PAX8: variants seen among roughly 807,000 people sequenced by gnomAD.
The protein encoded by PAX8 is paired box protein Pax-8.
A neutral mutation model predicts 52.4 loss-of-function variants in PAX8; 15 were observed. The ratio of observed to expected loss-of-function variants is 0.29; its 90% CI spans 0.19 to 0.44. PAX8 has a LOEUF of 0.44. PAX8 is among the 20% of genes least tolerant of loss of function. PAX8 has a pLI of 1.00. For synonymous variants in PAX8, 284 were observed against 249.7 expected (o/e 1.14, Z -1.29); for missense variants, 554 against 602.5 (o/e 0.92, Z 0.84).
chr2:113,219,447 T>C (rs1689159019), intron 11 of PAX8, among the ~76,000 whole-genome samples: 1 of 152,200 alleles, frequency 6.6e-6, no homozygotes, highest in African/African-American at 2.4e-5. Context: ...GAAAAGCTTC[T>C]CTTCCCAGTT....
chr2:113,277,676 G>C (rs569366108), intron 2 of PAX8, among the ~76,000 whole-genome samples: 1 of 152,234 alleles, frequency 6.6e-6, no homozygotes, highest in Non-Finnish European at 1.5e-5. Context: ...GCCCTGGCCG[G>C]GAAGGGGGAA....
intron 2 of PAX8, among the ~76,000 whole-genome samples, chr2:113,249,839 C>T (rs1315685659): frequency 6.6e-6 from 1 of 152,076 alleles, no homozygotes. Flanking sequence ...GAGTCTTGGG[C>T]CTGATCCCTT....
Position 113,241,708 on chromosome 2 carries a change from C to T in PAX8, c.620G>A (p.Arg207Gln), listed in dbSNP as rs371988299. 154 of 1,613,934 alleles carry T rather than the reference C, an allele frequency of 9.5e-5. No homozygotes were observed. Among genetic ancestry groups the T allele is most frequent in the Non-Finnish European group, 1.3e-4 (148 of 1,180,012 alleles). Residue 207 changes from arginine (R) to glutamine (Q), a missense_variant, in exon 7 of 12, where the codon CGA (arginine) becomes CAA (glutamine). By Grantham distance (43) the Arg-to-Gln change is conservative (BLOSUM62 1). This residue lies in a region of PAX8 where 445 missense variants were observed against 409.9 expected (regional missense o/e 1.09). Coordinates refer to ENST00000429538, the MANE Select transcript of PAX8 (RefSeq NM_003466.4). The part of the protein sequence containing the change: ...KMDDSDQDSC[R>Q]LSIDSQSSSS... Reference sequence around the variant, plus strand: ...GCTGCTCTGTGAGTCAATGCTTAGTCGGCAGCTATCCTGATCACCTGGTAC... The same window carrying T: ...GCTGCTCTGTGAGTCAATGCTTAGTTGGCAGCTATCCTGATCACCTGGTAC...
intron 10 of PAX8, among the ~76,000 whole-genome samples, chr2:113,223,813 G>A (rs1388106124): frequency 6.6e-6 from 1 of 152,214 alleles, no homozygotes; most frequent in Non-Finnish European, 1.5e-5. Context: ...AGGAATAAAG[G>A]AATCTGACTT....
Position 113,216,165 on chromosome 2 carries a change from G to A in PAX8, c.*2368C>T, listed in dbSNP as rs150097052. On this transcript the variant is annotated 3_prime_UTR_variant, in exon 12 of 12. Transcript: ENST00000429538. ...AGTGATTCTTGGGTAGGGAGCCCTC[G>A]GGATCCCAGAGGTTTGTGGTCAGGA... is the stretch of plus-strand genomic sequence containing the variant. 120 of 230,024 alleles carry A rather than the reference G, an allele frequency of 5.2e-4. 1 individual carries two copies. Among genetic ancestry groups the A allele is most frequent in the African/African-American group, 1.9e-3 (86 of 45,286 alleles). The allele number at this position is 230,024 out of a possible 1,614,324, so 14.2% of individuals were successfully genotyped here. A position where few individuals can be genotyped will look rare whatever the true frequency, so the allele number is the denominator to read the frequency against.
Position 113,217,056 on chromosome 2 carries a change from C to T in PAX8, c.*1477G>A, listed in dbSNP as rs374245212. 14 of 231,146 alleles carry T rather than the reference C, an allele frequency of 6.1e-5. No individual in the cohort carries two copies. The highest frequency in any genetic ancestry group is 2.9e-4 in the African/African-American group (13 of 45,242). The allele number at this position is 231,146 out of a possible 1,614,324, so 14.3% of individuals were successfully genotyped here. A position where few individuals can be genotyped will look rare whatever the true frequency, so the allele number is the denominator to read the frequency against. ...TATTCCCGGATCCCTCACTAACCCA[C>T]CCTGCTGATTCTCTGGCTTCCTGTT... On this transcript the variant is annotated 3_prime_UTR_variant, in exon 12 of 12. Transcript: ENST00000429538.
intron 2 of PAX8, among the ~76,000 whole-genome samples, chr2:113,256,067 G>A (rs187487361): frequency 1.2e-3 from 186 of 152,028 alleles, no homozygotes; most frequent in African/African-American, 4.3e-3. Context: ...CCAAGGACAT[G>A]ATCAATCCAG....
intron 8 of PAX8, chr2:113,235,847 G>T (rs1259170493): frequency 4.0e-6 from 2 of 498,452 alleles, no homozygotes; most frequent in Non-Finnish European, 7.1e-6. Flanking sequence ...ACAGGAGGGA[G>T]CGCGGAGACC....
intron 3 of PAX8, among the ~76,000 whole-genome samples, chr2:113,245,079 A>G (rs1220821941): frequency 6.6e-6 from 1 of 151,306 alleles, no homozygotes; most frequent in Non-Finnish European, 1.5e-5. Context: ...CAGGGTCTCA[A>G]TCTGTCACCC....
intron 10 of PAX8, chr2:113,226,394 G>A (rs947680400): frequency 2.0e-6 from 2 of 985,842 alleles, no homozygotes; most frequent in East Asian, 1.1e-4. Context: ...TTCCCTACAT[G>A]GCTCCTAAAA....
chr2:113,241,702 C>G lies in PAX8; in HGVS notation c.626G>C (p.Ser209Thr). ...DDSDQDSCRL[S>T]IDSQSSSSGP... The stretch of plus-strand genomic sequence containing the variant: ...GCTGCTGCTGCTCTGTGAGTCAATG[C>G]TTAGTCGGCAGCTATCCTGATCACC... The change falls in exon 7 of 12, where the codon AGC becomes ACC. Residue 209 changes from serine to threonine, a missense_variant. By Grantham distance (58) the Ser-to-Thr change is moderately conservative. Transcript: ENST00000429538. The G allele has an allele frequency of 6.2e-7, 1 of 1,614,108 alleles. No homozygotes were observed. Among genetic ancestry groups the G allele is most frequent in the Non-Finnish European group, 8.5e-7 (1 of 1,180,024 alleles).
intron 11 of PAX8, 84 bp downstream of exon 11, chr2:113,220,008 T>A: frequency 1.1e-6 from 1 of 941,718 alleles, no homozygotes; most frequent in Non-Finnish European, 1.7e-6. Flanking sequence ...ACTCCCAGCT[T>A]TCAGGTAACC....
Position 113,264,667 on chromosome 2 carries a change from AGAAGCTAAGT to A in PAX8, c.25+13693_25+13702del, listed in dbSNP as rs1422728572. ...AGCTCAGAGGCAGGTTGTCACTGTA[AGAAGCTAAGT>A]GACATTTGTTGGAACAAGTACTGAG... On this transcript the variant is annotated intron_variant, in intron 2 of 11. Transcript: ENST00000429538. 2.0e-5 allele frequency among the ~76,000 whole-genome samples: 3 copies of A among 152,342 alleles called. No homozygotes were observed. In the East Asian group the frequency reaches 5.8e-4, roughly 29 times the overall value.
intron 7 of PAX8, chr2:113,237,837 A>G (rs1472373478): frequency 6.6e-6 from 1 of 152,212 alleles, no homozygotes; most frequent in South Asian, 2.1e-4. Flanking sequence ...CAGTAGTTAC[A>G]TAACAGTGCC....
chr2:113,257,474 C>G (rs1416197446), intron 2 of PAX8, among the ~76,000 whole-genome samples: 1 of 152,134 alleles, frequency 6.6e-6, no homozygotes, highest in Non-Finnish European at 1.5e-5. Flanking sequence ...GTCTTCCAAT[C>G]GAATGTGATA....
chr2:113,236,664 TCAGGGTGGC>T lies in PAX8; in HGVS notation c.826_834del (p.Ala276_Leu278del), dbSNP rs1320167120. 4.4e-6 allele frequency: 7 copies of T among 1,594,402 alleles called. No individual in the cohort carries two copies. The highest frequency in any genetic ancestry group is 6.0e-6 in the Non-Finnish European group (7 of 1,170,962). On this transcript the variant is annotated inframe_deletion, in exon 8 of 12. Coordinates refer to ENST00000429538, the MANE Select transcript of PAX8 (RefSeq NM_003466.4). ...CGCCCCAGTGGCGTGTTGGAAGGGG[TCAGGGTGGC>T]CTTCCCGTCGTCCAGGGTGCTGTTG...
At chr2:113,246,419 C>T (rs919974620) in intron 3 of PAX8, among the ~76,000 whole-genome samples, 7 of 151,964 alleles carry the variant, frequency 4.6e-5, no homozygotes, top group African/African-American at 7.3e-5. Context: ...CCCTAGGTCT[C>T]GGTAGGAGGA....
rs13405033 is a variant in PAX8, at chr2:113,237,018, C to T, written c.778-297G>A. ...TGGCTGGTCGGCTTCCTGGTTTCAC[C>T]ACACTGTTGGGACCCACAGAATGCA... On this transcript the variant is annotated intron_variant, in intron 7 of 11. Transcript: ENST00000429538. The T allele has an allele frequency of 0.14, 62,564 of 455,876 alleles. 4,926 individuals carry two copies. The highest frequency in any genetic ancestry group is 0.22 in the African/African-American group (11,132 of 50,944). The allele number at this position is 455,876 out of a possible 1,614,324, so 28.2% of individuals were successfully genotyped here. A position where few individuals can be genotyped will look rare whatever the true frequency, so the allele number is the denominator to read the frequency against.
At chr2:113,274,197 T>C (rs536899868) in intron 2 of PAX8, 6 of 152,312 alleles carry the variant, frequency 3.9e-5, no homozygotes, top group Admixed American at 3.3e-4. Context: ...TCTTTATAAA[T>C]CCCAGAGCAC....
Sources: allele counts gnomAD v4.1 joint callset (sites outside exome capture counted in the v4.1 genomes callset), GRCh38; gene constraint gnomAD v4.1.1; regional missense constraint gnomAD v4.1.1; transcripts MANE v1.5; gene names NCBI Gene and HGNC (gene_info 2026-07-23, HGNC 2026-07-21).